The following KCNIP4 variants were observed in gnomAD, a reference collection of about 807,000 sequenced individuals.
KCNIP4 encodes the protein Kv channel-interacting protein 4.
Under a neutral mutation model 34.0 loss-of-function variants are expected in KCNIP4, and 12 were observed. The observed-to-expected ratio is 0.35, with a 90% CI of 0.23 to 0.57. The LOEUF (loss-of-function observed/expected upper bound fraction) is 0.57, where lower values mean the gene tolerates loss of function less well. KCNIP4 is among the 20% of genes least tolerant of loss of function. The probability of loss-of-function intolerance (pLI) is 0.83; values close to 1 mark genes in which losing one functional copy is unlikely to be tolerated. For synonymous variants in KCNIP4, 124 were observed against 102.2 expected (o/e 1.21, Z -1.29); for missense variants, 238 against 311.7 (o/e 0.76, Z 1.78).
chr4:20,756,257 A>T (rs1205199895), intron 4 of KCNIP4, among the ~76,000 whole-genome samples: 1 of 151,878 alleles, frequency 6.6e-6, no homozygotes, highest in Non-Finnish European at 1.5e-5. Context: ...CCCTATATTG[A>T]GTAGATGTCA....
At chr4:21,639,857 A>G (rs1182535562) in intron 1 of KCNIP4, among the ~76,000 whole-genome samples, 3 of 152,296 alleles carry the variant, frequency 2.0e-5, no homozygotes, top group Admixed American at 6.5e-5. Context: ...TTGGGGACCC[A>G]CTGGACCCAT....
chr4:20,919,589 G>A (rs1398232041), intron 1 of KCNIP4, among the ~76,000 whole-genome samples: 1 of 150,918 alleles, frequency 6.6e-6, no homozygotes, highest in East Asian at 2.0e-4. Context: ...TGTAGTCCCA[G>A]CAACTCAGGA....
At position 20,759,280 on chromosome 4, in the gene KCNIP4, A is replaced by C. The variant is rs566942722; in HGVS notation, c.289-390T>G. 9.9e-5 allele frequency among the ~76,000 whole-genome samples: 15 copies of C among 152,256 alleles called. No individual in the cohort carries two copies. In the South Asian group the frequency reaches 2.9e-3, roughly 29 times the overall value. ...GTTTTGTCCTTTCAAGGTTTTCTGA[A>C]CTCACATAATCTTCGATTCAATGGC... On this transcript the variant is annotated intron_variant, in intron 3 of 8. Transcript: ENST00000382152.
At position 21,087,010 on chromosome 4, in the gene KCNIP4, T is replaced by A. The variant is rs190231060; in HGVS notation, c.62-204301A>T. Among the ~76,000 whole-genome samples, 1,234 of 150,142 alleles carry A rather than the reference T, an allele frequency of 8.2e-3. 11 individuals are homozygous for A. The highest frequency in any genetic ancestry group is 0.02 in the Middle Eastern group (6 of 294). Reference sequence around the variant, plus strand: ...CTTTCTTTTTTTTTTTTTTGAGTCTTGCTCTGTCACCCAGGCTGAAGTGCA... The same window carrying A: ...CTTTCTTTTTTTTTTTTTTGAGTCTAGCTCTGTCACCCAGGCTGAAGTGCA... On this transcript the variant is annotated intron_variant, in intron 1 of 8. Transcript: ENST00000382152.
intron 1 of KCNIP4, among the ~76,000 whole-genome samples, chr4:21,555,688 C>T (rs1401749646): frequency 6.6e-6 from 1 of 152,070 alleles, no homozygotes; most frequent in Non-Finnish European, 1.5e-5. Context: ...AGATAAAAAC[C>T]AGTTCAGGTA....
At chr4:21,598,407 T>C (rs940036365) in intron 1 of KCNIP4, among the ~76,000 whole-genome samples, 1 of 152,066 alleles carries the variant, frequency 6.6e-6, no homozygotes, top group Admixed American at 6.6e-5. Flanking sequence ...AGTCATACAG[T>C]CTCTGATGCA....
At chr4:21,893,033 A>G (rs1191351170) in intron 1 of KCNIP4, among the ~76,000 whole-genome samples, 1 of 152,214 alleles carries the variant, frequency 6.6e-6, no homozygotes, top group Non-Finnish European at 1.5e-5. Flanking sequence ...ACATTTTGCC[A>G]ATCACAAGTT....
chr4:21,442,905 C>T (rs1727613442), intron 1 of KCNIP4, among the ~76,000 whole-genome samples: 1 of 152,110 alleles, frequency 6.6e-6, no homozygotes, highest in African/African-American at 2.4e-5. Context: ...TTAACATGAC[C>T]ACAGCCAAAC....
intron 1 of KCNIP4, among the ~76,000 whole-genome samples, chr4:20,907,701 TG>T (rs1183589809): frequency 6.6e-6 from 1 of 152,138 alleles, no homozygotes; most frequent in Non-Finnish European, 1.5e-5. Context: ...TTTGTGCTGT[TG>T]TTAGAAATGT....
intron 1 of KCNIP4, among the ~76,000 whole-genome samples, chr4:21,860,293 C>T (rs1681403925): frequency 6.6e-6 from 1 of 151,948 alleles, no homozygotes; most frequent in African/African-American, 2.4e-5. Flanking sequence ...GCCACCACAC[C>T]CGGCTGATTT....
At chr4:21,198,892 G>C (rs1053940697) in intron 1 of KCNIP4, among the ~76,000 whole-genome samples, 1 of 152,114 alleles carries the variant, frequency 6.6e-6, no homozygotes, top group Non-Finnish European at 1.5e-5. Flanking sequence ...CTGACCTGGC[G>C]CTGTCCTTTC....
chr4:21,256,606 A>T (rs1324834452), intron 1 of KCNIP4, among the ~76,000 whole-genome samples: 1 of 152,062 alleles, frequency 6.6e-6, no homozygotes, highest in African/African-American at 2.4e-5. Flanking sequence ...CAAGAAAAGA[A>T]AAAAAAGAGA....
chr4:20,987,269 C>T (rs1204051197), intron 1 of KCNIP4, among the ~76,000 whole-genome samples: 1 of 152,136 alleles, frequency 6.6e-6, no homozygotes. Flanking sequence ...CAGATCACGG[C>T]TCAACCATTT....
intron 3 of KCNIP4, among the ~76,000 whole-genome samples, chr4:20,842,734 T>C (rs557188167): frequency 3.4e-4 from 52 of 152,088 alleles, no homozygotes; most frequent in African/African-American, 1.2e-3. Flanking sequence ...GTCTGGGTCA[T>C]TGCAGACATG....
intron 1 of KCNIP4, among the ~76,000 whole-genome samples, chr4:21,344,546 A>C (rs543985445): frequency 6.6e-6 from 1 of 152,274 alleles, no homozygotes; most frequent in Admixed American, 6.5e-5. Flanking sequence ...ATCCAAAGAA[A>C]AAAATGGAAT....
intron 1 of KCNIP4, among the ~76,000 whole-genome samples, chr4:21,452,848 C>T (rs138712686): frequency 1.4e-4 from 16 of 113,874 alleles, no homozygotes; most frequent in African/African-American, 6.1e-4. Context: ...TACTTAATAC[C>T]ATGCAAGTTT....
At chr4:21,709,484 G>A (rs1713547846) in intron 1 of KCNIP4, among the ~76,000 whole-genome samples, 3 of 152,132 alleles carry the variant, frequency 2.0e-5, no homozygotes, top group Non-Finnish European at 4.4e-5. Context: ...ACAGGCTGTT[G>A]TCACATTGTC....
intron 1 of KCNIP4, among the ~76,000 whole-genome samples, chr4:20,911,213 T>C (rs532364732): frequency 1.2e-4 from 19 of 152,216 alleles, no homozygotes; most frequent in African/African-American, 1.9e-4. Context: ...CTCTTGTTTG[T>C]AGAAATGACC....
At chr4:20,850,109 A>G (rs1332452481) in intron 3 of KCNIP4, among the ~76,000 whole-genome samples, 3 of 152,316 alleles carry the variant, frequency 2.0e-5, no homozygotes, top group Middle Eastern at 6.8e-3. Context: ...CATTGGCAGC[A>G]TGGTTTTTTA....
Sources: gnomAD v4.1 joint callset for allele counts (sites outside exome capture counted in the v4.1 genomes callset) on GRCh38, gnomAD v4.1.1 for gene constraint, MANE v1.5 for transcripts, NCBI Gene and HGNC (gene_info 2026-07-23, HGNC 2026-07-21) for gene names.